The following URB1 variants were observed in gnomAD, a reference collection of about 807,000 sequenced individuals.
URB1 encodes the protein nucleolar pre-ribosomal-associated protein 1.
A neutral mutation model predicts 242.3 loss-of-function variants in URB1; 197 were observed. That is an observed-to-expected ratio of 0.81 (90% CI 0.72 to 0.91). The LOEUF is 0.91. URB1 is among the 40% of genes least tolerant of loss of function. The pLI, the probability that URB1 is intolerant of heterozygous loss-of-function variation, is 0.00. For synonymous variants in URB1, 1,153 were observed against 1,201.8 expected, an observed-to-expected ratio of 0.96 and a Z score of 0.84; for missense variants, 2,721 against 2,860.5, an observed-to-expected ratio of 0.95 and a Z score of 1.11.
intron 27 of URB1, 75 bp downstream of exon 27, chr21:32,337,329 A>G (rs1464110772): frequency 9.9e-6 from 14 of 1,420,568 alleles, no homozygotes; most frequent in Non-Finnish European, 1.3e-5. Flanking sequence ...TCCAGCTCTC[A>G]TTCCCTATCT....
intron 28 of URB1, among the ~76,000 whole-genome samples, 198 bp downstream of exon 28, chr21:32,336,896 C>T (rs548885409): frequency 6.6e-6 from 1 of 152,306 alleles, no homozygotes; most frequent in Admixed American, 6.5e-5. Context: ...GTGGCCCTGC[C>T]CAGATGCCTT....
intron 30 of URB1, among the ~76,000 whole-genome samples, chr21:32,326,396 T>C (rs1348996366): frequency 3.3e-5 from 5 of 152,098 alleles, no homozygotes; most frequent in African/African-American, 1.2e-4. Flanking sequence ...TTTTTAAAAG[T>C]TAAAGAAAGA....
At chr21:32,324,417 G>T in intron 32 of URB1, 74 bp downstream of exon 32, 1 of 1,235,234 alleles carries the variant, frequency 8.1e-7, no homozygotes, top group Non-Finnish European at 1.2e-6. Context: ...ATACCTGTGG[G>T]ACTAATCCCT....
chr21:32,363,108 C>T (rs1317298411), intron 11 of URB1, 48 bp downstream of exon 11: 5 of 1,523,402 alleles, frequency 3.3e-6, no homozygotes, highest in East Asian at 2.5e-5. Context: ...TGGCCTTTTC[C>T]ACCTGGTGAG....
At chr21:32,367,597 A>C (rs1430371053) in intron 9 of URB1, among the ~76,000 whole-genome samples, 2 of 152,254 alleles carry the variant, frequency 1.3e-5, no homozygotes, top group African/African-American at 4.8e-5. Context: ...AACAGTAGGT[A>C]CCTCTACTTG....
rs752063346 is a variant in URB1 at position 32,316,816 on chromosome 21, G to A, written c.6284C>T (p.Ala2095Val). The change falls in exon 38 of 39, where the codon GCT becomes GTT. Residue 2095 changes from alanine to valine, a missense_variant. Coordinates refer to ENST00000382751, the MANE Select transcript of URB1 (RefSeq NM_014825.3). ...PESDAPGPVYAAASLAVSWVL... is the reference protein window; with the variant it reads ...PESDAPGPVYVAASLAVSWVL... ...CCAACTGACTGCCAGGGAAGCGGCA[G>A]CATATACGGGGCCTGGCGCATCGCT... 1 of 1,547,422 alleles carries A rather than the reference G, an allele frequency of 6.5e-7. No homozygotes were observed. Among genetic ancestry groups the A allele is most frequent in the Non-Finnish European group, 8.7e-7 (1 of 1,144,192 alleles).
chr21:32,358,037 A>G (rs2033244583), intron 14 of URB1, among the ~76,000 whole-genome samples: 1 of 152,200 alleles, frequency 6.6e-6, no homozygotes, highest in Non-Finnish European at 1.5e-5. Context: ...TCCAAAAACA[A>G]AAAACAAAAC....
intron 20 of URB1, 124 bp from the exon 21 acceptor site, chr21:32,349,607 TCA>T (rs1421825480): frequency 1.1e-6 from 1 of 940,954 alleles, no homozygotes; most frequent in Non-Finnish European, 1.5e-6. Flanking sequence ...TGGCAACTCC[TCA>T]CAGAGTGTGT....
chr21:32,378,412 G>A, intron 5 of URB1, 33 bp downstream of exon 5: 1 of 1,534,354 alleles, frequency 6.5e-7, no homozygotes, highest in Middle Eastern at 1.7e-4. Flanking sequence ...CAAAACAAAT[G>A]GGCTTTCCTA....
intron 22 of URB1, 126 bp from the exon 23 acceptor site, chr21:32,345,701 G>T: frequency 9.8e-7 from 1 of 1,024,500 alleles, no homozygotes; most frequent in South Asian, 1.7e-5. Context: ...CCACACCGGT[G>T]GCCTGAAATT....
At chr21:32,383,690 CTCTT>C (rs1370934656) in intron 3 of URB1, 136 bp from the exon 4 acceptor site, 12 of 1,019,776 alleles carry the variant, frequency 1.2e-5, no homozygotes, top group Middle Eastern at 3.4e-4. Context: ...AAAAGACATG[CTCTT>C]TTTTTAAGGA....
chr21:32,319,339 C>G lies in URB1; in HGVS notation c.5670G>C (p.Lys1890Asn). ...HTLWVTNLGD[K>N]AVEWESQRLC... ...GGCGCTGGCTCTCCCACTCCACTGCCTTGTCCCCCAGGTTGGTCACCCACA... is the reference window on the plus strand; with the variant it reads ...GGCGCTGGCTCTCCCACTCCACTGCGTTGTCCCCCAGGTTGGTCACCCACA... The change falls in exon 36 of 39, where the codon AAG becomes AAC. Residue 1890 changes from lysine (K) to asparagine (N), a missense_variant. By Grantham distance (94) the Lys-to-Asn change is moderately conservative. Transcript: ENST00000382751. 6.4e-7 allele frequency: 1 copy of G among 1,551,272 alleles called. No homozygotes were observed. Among genetic ancestry groups the G allele is most frequent in the South Asian group, 1.2e-5 (1 of 83,960 alleles).
Position 32,388,240 on chromosome 21 carries a change from C to T in URB1, c.143-2556G>A, listed in dbSNP as rs527525909. 2.6e-5 allele frequency among the ~76,000 whole-genome samples: 4 copies of T among 152,294 alleles called. No individual in the cohort carries two copies. The South Asian group carries it at 8.3e-4, about 32-fold the overall frequency. ...GAACTCTGAGCTCTGGGTACCTCAC[C>T]TGTATAACGGAACAAGAACAGAACC... On this transcript the variant is annotated intron_variant, in intron 1 of 38. Transcript: ENST00000382751.
At chr21:32,317,098 T>TG in intron 37 of URB1, 33 bp from the exon 38 acceptor site, 1 of 1,491,050 alleles carries the variant, frequency 6.7e-7, no homozygotes, top group Non-Finnish European at 8.9e-7. Context: ...GTAATGAGAC[T>TG]GGGGTCCCTC....
chr21:32,354,149 G>A (rs1158667820), intron 17 of URB1, 46 bp from the exon 18 acceptor site: 3 of 1,539,670 alleles, frequency 1.9e-6, no homozygotes, highest in Admixed American at 2.0e-5. Context: ...AGCCACTGAA[G>A]GGTTTCACTG....
intron 30 of URB1, among the ~76,000 whole-genome samples, chr21:32,328,767 T>C (rs146521169): frequency 6.6e-6 from 1 of 152,358 alleles, no homozygotes; most frequent in East Asian, 1.9e-4. Flanking sequence ...TGCTCATCTC[T>C]GCTACTCTAT....
intron 24 of URB1, among the ~76,000 whole-genome samples, chr21:32,342,695 C>CA (rs372326286): frequency 0.99 from 145,993 of 147,592 alleles, 72,199 homozygotes; most frequent in East Asian, 1. Flanking sequence ...GAACCCTGGT[C>CA]AGGATCTCCT....
At chr21:32,366,969 T>A (rs2033353744) in intron 9 of URB1, among the ~76,000 whole-genome samples, 1 of 152,164 alleles carries the variant, frequency 6.6e-6, no homozygotes, top group Non-Finnish European at 1.5e-5. Flanking sequence ...AGAAAGGACC[T>A]TCAGAGCAGA....
In URB1 at chr21:32,373,784, A is replaced by G. The variant is rs1774655021; in HGVS notation, c.751-12T>C. Reference sequence around the variant, plus strand: ...TTATTGTGAACTACCTGAAACAATAATAAAACAAATTATTAAAAAACAAAT... The same window carrying G: ...TTATTGTGAACTACCTGAAACAATAGTAAAACAAATTATTAAAAAACAAAT... On this transcript the variant is annotated splice_polypyrimidine_tract_variant and intron_variant, in intron 6 of 38. Transcript: ENST00000382751. 1.3e-6 allele frequency: 2 copies of G among 1,504,706 alleles called. No homozygotes were observed. The highest frequency in any genetic ancestry group is 2.9e-5 in the African/African-American group (2 of 70,014). The allele number at this position is 1,504,706 out of a possible 1,614,324, so 93.2% of individuals were successfully genotyped here.
Sources: allele counts gnomAD v4.1 joint callset (sites outside exome capture counted in the v4.1 genomes callset), GRCh38; gene constraint gnomAD v4.1.1; transcripts MANE v1.5; gene names NCBI Gene and HGNC (gene_info 2026-07-23, HGNC 2026-07-21).